EPHA5: variants seen among roughly 807,000 people sequenced by gnomAD.
EPHA5 encodes ephrin type-A receptor 5.
Under a neutral mutation model 105.0 loss-of-function variants are expected in EPHA5, and 60 were observed. The observed-to-expected ratio is 0.57, with a 90% confidence interval of 0.46 to 0.71. EPHA5 has a LOEUF of 0.71. Ranked by LOEUF, EPHA5 falls within the 30% of genes least tolerant of loss-of-function variation. The pLI is 0.00. For synonymous variants in EPHA5, 513 were observed against 449.1 expected (o/e 1.14, Z -1.80); for missense variants, 1,218 against 1,274.7 (o/e 0.96, Z 0.68).
chr4:65,355,793 C>T (rs748877607), intron 11 of EPHA5, among the ~76,000 whole-genome samples: 14 of 151,480 alleles, frequency 9.2e-5, no homozygotes, highest in African/African-American at 2.2e-4. Flanking sequence ...TGGGCAACTC[C>T]GGCATCAGTT....
In EPHA5 at chr4:65,320,637, T is replaced by C. The variant is rs1719568672; in HGVS notation, c.*3477A>G. The C allele has an allele frequency of 4.4e-6, 1 of 229,772 alleles. No homozygotes were observed. 14.2% of individuals were successfully genotyped at this position (229,772 alleles called of 1,614,324 possible). ...GAGAACCCACTTTACATGGCATAAA[T>C]AATGGTGTTAAAAATATTTTACTTT... On this transcript the variant is annotated 3_prime_UTR_variant, in exon 17 of 17. Transcript: ENST00000613740.
At position 65,554,234 on chromosome 4, in the gene EPHA5, G is replaced by A. The variant is rs554254085; in HGVS notation, c.910+47407C>T. On this transcript the variant is annotated intron_variant, in intron 3 of 16. Transcript: ENST00000613740. ...ACTTGAAAGCTTATATATAAAACATGAATATACTTATAATATATATAATTA... is the reference window on the plus strand; with the variant it reads ...ACTTGAAAGCTTATATATAAAACATAAATATACTTATAATATATATAATTA... 2.1e-3 allele frequency among the ~76,000 whole-genome samples: 317 copies of A among 148,278 alleles called. 1 individual carries two copies. Among genetic ancestry groups the A allele is most frequent in the African/African-American group, 7.2e-3 (294 of 40,796 alleles).
At chr4:65,406,396 G>A (rs1017791970) in intron 7 of EPHA5, among the ~76,000 whole-genome samples, 1 of 152,218 alleles carries the variant, frequency 6.6e-6, no homozygotes, top group East Asian at 1.9e-4. Flanking sequence ...TTAGCTAAAC[G>A]TATACCTTAA....
chr4:65,577,978 C>T (rs1741229396), intron 3 of EPHA5, among the ~76,000 whole-genome samples: 1 of 152,164 alleles, frequency 6.6e-6, no homozygotes, highest in East Asian at 1.9e-4. Context: ...ATTTATAGCA[C>T]TTAATTAGCC....
At chr4:65,528,224 C>T (rs1040759511) in intron 3 of EPHA5, among the ~76,000 whole-genome samples, 1 of 152,028 alleles carries the variant, frequency 6.6e-6, no homozygotes, top group African/African-American at 2.4e-5. Context: ...CATCACACGT[C>T]GGCAAAACCA....
intron 2 of EPHA5, among the ~76,000 whole-genome samples, chr4:65,637,527 T>C (rs1228321224): frequency 3.4e-5 from 5 of 145,612 alleles, no homozygotes; most frequent in Non-Finnish European, 7.5e-5. Flanking sequence ...AAATTTTGTC[T>C]GTTAAAAATG....
At chr4:65,338,426 T>C (rs1434347827) in intron 14 of EPHA5, among the ~76,000 whole-genome samples, 1 of 152,140 alleles carries the variant, frequency 6.6e-6, no homozygotes, top group Non-Finnish European at 1.5e-5. Flanking sequence ...ATTTGCCCTT[T>C]CTCCAAAGCT....
At chr4:65,576,064 A>AAAGC (rs1560721203) in intron 3 of EPHA5, among the ~76,000 whole-genome samples, 1 of 74,310 alleles carries the variant, frequency 1.3e-5, no homozygotes, top group Non-Finnish European at 2.6e-5. Context: ...GAAAGAAAAG[A>AAAGC]AAAGAAAAGA....
intron 3 of EPHA5, among the ~76,000 whole-genome samples, chr4:65,576,038 GAAAGAAAGAAAGAAAGAAAGAAAAGA>G (rs1485617335): frequency 5.4e-4 from 40 of 74,404 alleles, no homozygotes; most frequent in East Asian, 2.2e-3. Flanking sequence ...AAGAAAGAAA[GAAAGAAAGAAAGAAAGAAAGAAAAGA>G]AAAGAAAAGA....
intron 3 of EPHA5, among the ~76,000 whole-genome samples, chr4:65,550,418 T>C (rs1158537470): frequency 6.6e-6 from 1 of 152,188 alleles, no homozygotes; most frequent in East Asian, 1.9e-4. Flanking sequence ...TTTCAAAAGT[T>C]TGGACGCCCT....
At chr4:65,344,382 A>G (rs895437638) in intron 14 of EPHA5, among the ~76,000 whole-genome samples, 1 of 152,162 alleles carries the variant, frequency 6.6e-6, no homozygotes, top group African/African-American at 2.4e-5. Flanking sequence ...GCAGTTATGA[A>G]CATTCACCTA....
chr4:65,518,076 A>C (rs1734280870), intron 3 of EPHA5, among the ~76,000 whole-genome samples: 2 of 151,892 alleles, frequency 1.3e-5, no homozygotes, highest in African/African-American at 4.8e-5. Flanking sequence ...AGAGAACACA[A>C]AGGACATTTT....
intron 4 of EPHA5, 23 bp downstream of exon 4, chr4:65,495,365 C>T (rs2149225155): frequency 6.2e-7 from 1 of 1,605,454 alleles, no homozygotes; most frequent in Non-Finnish European, 8.5e-7. Flanking sequence ...TTAGCACCAC[C>T]AAATATCCGT....
chr4:65,624,127 A>T (rs1270248390), intron 2 of EPHA5, among the ~76,000 whole-genome samples: 1 of 152,192 alleles, frequency 6.6e-6, no homozygotes, highest in East Asian at 1.9e-4. Context: ...GAGAATAGGT[A>T]AATAAAATCT....
chr4:65,610,104 G>A (rs895409595), intron 2 of EPHA5, among the ~76,000 whole-genome samples: 7 of 151,670 alleles, frequency 4.6e-5, no homozygotes, highest in African/African-American at 1.2e-4. Flanking sequence ...CATCAACAGC[G>A]AACAGGATAA....
intron 5 of EPHA5, among the ~76,000 whole-genome samples, chr4:65,446,975 A>ATTTTTTTTTTTTTTTTTTTTT (rs397993760): frequency 3.5e-5 from 4 of 112,918 alleles, no homozygotes; most frequent in Non-Finnish European, 7.1e-5. Flanking sequence ...TTAAAAGCTC[A>ATTTTTTTTTTTTTTTTTTTTT]TTTTTTTTTT....
intron 1 of EPHA5, among the ~76,000 whole-genome samples, chr4:65,668,488 C>G (rs972760742): frequency 3.3e-5 from 5 of 152,136 alleles, no homozygotes; most frequent in African/African-American, 1.2e-4. Context: ...AGATACTGTT[C>G]CCGCCCCTCC....
chr4:65,404,127 C>T (rs1040301219), intron 8 of EPHA5, among the ~76,000 whole-genome samples: 9 of 151,822 alleles, frequency 5.9e-5, no homozygotes, highest in Non-Finnish European at 1.0e-4. Flanking sequence ...CTATATTAAC[C>T]GAATAAACAA....
chr4:65,405,096 A>ACCT (rs1722231724), intron 7 of EPHA5, among the ~76,000 whole-genome samples: 1 of 152,158 alleles, frequency 6.6e-6, no homozygotes, highest in African/African-American at 2.4e-5. Context: ...AAGTATAGAA[A>ACCT]ACTATCTTAC....
Sources: gnomAD v4.1 joint callset for allele counts (sites outside exome capture counted in the v4.1 genomes callset) on GRCh38, gnomAD v4.1.1 for gene constraint, MANE v1.5 for transcripts, NCBI Gene and HGNC (gene_info 2026-07-23, HGNC 2026-07-21) for gene names.